MYO1E: variants seen among roughly 807,000 people sequenced by gnomAD.
The protein encoded by MYO1E is unconventional myosin-Ie.
MYO1E carries 68 observed loss-of-function variants against 151.1 expected under a neutral mutation model. The observed-to-expected ratio is 0.45, with a 90% CI of 0.37 to 0.55. The LOEUF (loss-of-function observed/expected upper bound fraction) is 0.55, where lower values mean the gene tolerates loss of function less well. Among genes scored for constraint, MYO1E ranks in the 20% least tolerant of loss-of-function variants. MYO1E has a pLI of 0.00. For synonymous variants in MYO1E, 601 were observed against 501.7 expected, an observed-to-expected ratio of 1.20 and a Z score of -2.64; for missense variants, 1,363 against 1,389.3, an observed-to-expected ratio of 0.98 and a Z score of 0.30.
chr15:59,329,268 T>C (rs1476924723), intron 1 of MYO1E, among the ~76,000 whole-genome samples: 1 of 152,152 alleles, frequency 6.6e-6, no homozygotes. Flanking sequence ...CTCTTAATCC[T>C]CAAGCAACAC....
chr15:59,312,918 G>T (rs1313477979), intron 1 of MYO1E, among the ~76,000 whole-genome samples: 1 of 152,164 alleles, frequency 6.6e-6, no homozygotes, highest in East Asian at 1.9e-4. Context: ...CATGCCACCT[G>T]TAGTCACAGC....
rs140045614 is a variant in MYO1E, at chr15:59,167,665, C to A, written c.2480+4232G>T. ...GCCAGAAATGCAAGCGTCAGTGTTTCACTTTAATTTTTATTTATTTATTTA... is the reference window on the plus strand; with the variant it reads ...GCCAGAAATGCAAGCGTCAGTGTTTAACTTTAATTTTTATTTATTTATTTA... On this transcript the variant is annotated intron_variant, in intron 22 of 27. Transcript: ENST00000288235. 4.6e-3 allele frequency among the ~76,000 whole-genome samples: 697 copies of A among 152,248 alleles called. 2 individuals are homozygous for A. Among genetic ancestry groups the A allele is most frequent in the Middle Eastern group, 0.01 (3 of 294 alleles).
chr15:59,235,392 C>A (rs2080056258), intron 5 of MYO1E, among the ~76,000 whole-genome samples: 1 of 152,100 alleles, frequency 6.6e-6, no homozygotes, highest in Non-Finnish European at 1.5e-5. Context: ...TACAAATGTG[C>A]ACTCTCTTTT....
At chr15:59,307,871 A>C (rs1437895506) in intron 1 of MYO1E, among the ~76,000 whole-genome samples, 1 of 150,678 alleles carries the variant, frequency 6.6e-6, no homozygotes, top group Non-Finnish European at 1.5e-5. Context: ...CAGCCTCCCA[A>C]AGTGCTGGGA....
chr15:59,342,010 C>T (rs1448635522), intron 1 of MYO1E, among the ~76,000 whole-genome samples: 3 of 152,136 alleles, frequency 2.0e-5, no homozygotes, highest in African/African-American at 7.2e-5. Flanking sequence ...TTCCCTTTTC[C>T]CCTTTTCTTC....
Position 59,268,720 on chromosome 15 carries a change from A to ATTTTTTTTTTTCTTTTTTTTTTTTTTTT in MYO1E, c.147+3585_147+3586insAAAAAAAAAAAAAAAAGAAAAAAAAAAA, listed in dbSNP as rs2080271680. 4.5e-5 allele frequency among the ~76,000 whole-genome samples: 2 copies of ATTTTTTTTTTTCTTTTTTTTTTTTTTTT among 44,906 alleles called. 1 individual carries two copies. Among genetic ancestry groups the ATTTTTTTTTTTCTTTTTTTTTTTTTTTT allele is most frequent in the Non-Finnish European group, 9.8e-5 (2 of 20,428 alleles). The allele number at this position is 44,906 out of a possible 152,430, so 29.5% of individuals were successfully genotyped here. A position where few individuals can be genotyped will look rare whatever the true frequency, so the allele number is the denominator to read the frequency against. ...GTGATGGGTTCTGGGTGACTTTGGT[A>ATTTTTTTTTTTCTTTTTTTTTTTTTTTT]TTTTTTTTTTTTTTTTTTTTTGCTT... On this transcript the variant is annotated intron_variant, in intron 2 of 27. Coordinates refer to ENST00000288235, the MANE Select transcript of MYO1E (RefSeq NM_004998.4).
chr15:59,138,399 C>A (rs1251607354), intron 26 of MYO1E, 32 bp from the exon 27 acceptor site: 1 of 1,612,362 alleles, frequency 6.2e-7, no homozygotes, highest in Non-Finnish European at 8.5e-7. Flanking sequence ...TGAGACTGGG[C>A]CCCAACAGGG....
intron 16 of MYO1E, among the ~76,000 whole-genome samples, chr15:59,201,937 C>A (rs1281204549): frequency 6.6e-6 from 1 of 152,164 alleles, no homozygotes; most frequent in Non-Finnish European, 1.5e-5. Context: ...TGGCAAGTAA[C>A]GTTCCATAAC....
intron 17 of MYO1E, among the ~76,000 whole-genome samples, chr15:59,191,312 A>G (rs1263143706): frequency 7.4e-6 from 1 of 134,556 alleles, no homozygotes; most frequent in Non-Finnish European, 1.5e-5. Context: ...CTTTGCCCAT[A>G]TAAGTCAGAC....
At chr15:59,252,980 A>T (rs1392882064) in intron 4 of MYO1E, among the ~76,000 whole-genome samples, 1 of 152,244 alleles carries the variant, frequency 6.6e-6, no homozygotes, top group African/African-American at 2.4e-5. Flanking sequence ...GAGCTAGAAG[A>T]TCTTAAAGAA....
At chr15:59,195,089 G>C (rs529492788) in intron 17 of MYO1E, among the ~76,000 whole-genome samples, 2 of 152,274 alleles carry the variant, frequency 1.3e-5, no homozygotes, top group South Asian at 4.1e-4. Context: ...AAGCATTCTA[G>C]GCCACATCCT....
At chr15:59,196,321 A>C (rs1001776856) in intron 16 of MYO1E, among the ~76,000 whole-genome samples, 1 of 152,176 alleles carries the variant, frequency 6.6e-6, no homozygotes, top group Admixed American at 6.5e-5. Context: ...ATAAAGCTGA[A>C]ATTGCTTATG....
chr15:59,222,907 C>A (rs2079964956), intron 9 of MYO1E, 152 bp downstream of exon 9: 5 of 1,207,570 alleles, frequency 4.1e-6, no homozygotes, highest in Non-Finnish European at 5.9e-6. Context: ...TCTGGTCTCT[C>A]GTGAAGCCAT....
chr15:59,166,062 C>T (rs1161033431), intron 22 of MYO1E, among the ~76,000 whole-genome samples: 7 of 152,214 alleles, frequency 4.6e-5, no homozygotes, highest in South Asian at 2.1e-4. Context: ...AAAAAGCAAG[C>T]AGGCCAAAAC....
intron 1 of MYO1E, among the ~76,000 whole-genome samples, chr15:59,289,603 C>A (rs2080407299): frequency 6.6e-6 from 1 of 152,186 alleles, no homozygotes; most frequent in Admixed American, 6.5e-5. Flanking sequence ...AGAGTTAAGG[C>A]ATTGGCTTGA....
At chr15:59,264,453 T>G (rs1386317131) in intron 2 of MYO1E, among the ~76,000 whole-genome samples, 1 of 152,200 alleles carries the variant, frequency 6.6e-6, no homozygotes, top group Non-Finnish European at 1.5e-5. Context: ...CACAGAAAAC[T>G]AGTTAAATTG....
intron 16 of MYO1E, among the ~76,000 whole-genome samples, chr15:59,196,934 T>A (rs2140330884): frequency 6.6e-6 from 1 of 151,578 alleles, no homozygotes; most frequent in East Asian, 1.9e-4. Context: ...ATCCCCAAAT[T>A]CTTAATTTTT....
chr15:59,344,523 C>T (rs1349722522), intron 1 of MYO1E, among the ~76,000 whole-genome samples: 1 of 152,172 alleles, frequency 6.6e-6, no homozygotes, highest in Non-Finnish European at 1.5e-5. Context: ...GGCCTATGTT[C>T]CCTCAAGGCC....
rs75932615 is a variant in MYO1E, at chr15:59,335,845, G to A, written c.3+36653C>T. ...CCTGTATCATCTGAAGCCATGTGTG[G>A]CCCTGATTCATGCGGAGGAATGAGT... On this transcript the variant is annotated intron_variant, in intron 1 of 27. Transcript: ENST00000288235. Among the ~76,000 whole-genome samples, 1,082 of 152,154 alleles carry A rather than the reference G, an allele frequency of 7.1e-3. 14 individuals carry two copies. The highest frequency in any genetic ancestry group is 0.025 in the African/African-American group (1,018 of 41,492).
Sources: allele counts gnomAD v4.1 joint callset (sites outside exome capture counted in the v4.1 genomes callset), GRCh38; gene constraint gnomAD v4.1.1; transcripts MANE v1.5; gene names NCBI Gene and HGNC (gene_info 2026-07-23, HGNC 2026-07-21).